The following SHKBP1 variants were observed in gnomAD, a reference collection of about 807,000 sequenced individuals.
The protein encoded by SHKBP1 is SH3KBP1 binding protein 1, also known as SH3KBP1-binding protein 1.
Under a neutral mutation model 83.9 loss-of-function variants are expected in SHKBP1, and 71 were observed. The ratio of observed to expected loss-of-function variants is 0.85; its 90% CI spans 0.70 to 1.03. SHKBP1 has a LOEUF of 1.03. Among genes scored for constraint, SHKBP1 ranks in the 50% least tolerant of loss-of-function variants. The pLI, the probability that SHKBP1 is intolerant of heterozygous loss-of-function variation, is 0.00. For missense variants in SHKBP1, 824 were observed against 982.4 expected, an observed-to-expected ratio of 0.84 and a Z score of 2.16; for synonymous variants, 371 against 398.0, an observed-to-expected ratio of 0.93 and a Z score of 0.81.
chr19:40,582,514 T>C (rs2081277981), intron 10 of SHKBP1, 48 bp downstream of exon 10: 2 of 1,534,252 alleles, frequency 1.3e-6, no homozygotes, highest in South Asian at 1.1e-5. Context: ...TTTTCCAGAC[T>C]GTACAGACCC....
chr19:40,589,042 A>T (rs1358456922), intron 14 of SHKBP1, 40 bp from the exon 15 acceptor site: 1 of 1,583,376 alleles, frequency 6.3e-7, no homozygotes, highest in Non-Finnish European at 8.6e-7. Context: ...AGGCTGAGGG[A>T]ATCCCAGCTG....
Position 40,580,337 on chromosome 19 carries a change from G to C in SHKBP1, c.414G>C (p.Lys138Asn). Residue 138 changes from lysine (K) to asparagine (N), a missense_variant, in exon 7 of 18, where the codon AAG becomes AAC. Coordinates refer to ENST00000291842, the MANE Select transcript of SHKBP1 (RefSeq NM_138392.4). The stretch of plus-strand genomic sequence containing the variant: ...TTCTCACTGTAGTGTTCCCAGTGAA[G>C]CGGCGGAACCGGCACAGCCTAGTGG... ...GYLPPPVFPV[K>N]RRNRHSLVGP... The C allele has an allele frequency of 3.1e-6, 5 of 1,614,020 alleles. No individual in the cohort carries two copies. The highest frequency in any genetic ancestry group is 4.2e-6 in the Non-Finnish European group (5 of 1,179,910).
Position 40,577,004 on chromosome 19 carries a change from T to C in SHKBP1, c.86+19T>C. ...GCAAGAGGTGAGTGTGGGAGACTCC[T>C]GAGGTCCCATCCTCGGGGGCGGGAA... is the stretch of plus-strand genomic sequence containing the variant. On this transcript the variant is annotated intron_variant, in intron 1 of 17. Transcript: ENST00000291842. The C allele has an allele frequency of 6.8e-7, 1 of 1,475,270 alleles. No individual in the cohort carries two copies. The highest frequency in any genetic ancestry group is 9.1e-7 in the Non-Finnish European group (1 of 1,094,248). 91.4% of individuals were successfully genotyped at this position (1,475,270 alleles called of 1,614,324 possible).
chr19:40,580,333 T>C lies in SHKBP1; in HGVS notation c.410T>C (p.Val137Ala), dbSNP rs1163630261. Residue 137 changes from valine (V) to alanine (A), a missense_variant, in exon 7 of 18, where the codon GTG becomes GCG. By Grantham distance (64) the Val-to-Ala change is moderately conservative. Around this residue, in one of 3 missense-constraint regions of SHKBP1, gnomAD observed 355 missense variants for 386.4 expected, o/e 0.92. Coordinates refer to ENST00000291842, the MANE Select transcript of SHKBP1 (RefSeq NM_138392.4). ...CTTATTCTCACTGTAGTGTTCCCAG[T>C]GAAGCGGCGGAACCGGCACAGCCTA... is the stretch of plus-strand genomic sequence containing the variant. ...NGYLPPPVFP[V>A]KRRNRHSLVG... 1 of 1,613,864 alleles carries C rather than the reference T, an allele frequency of 6.2e-7. No individual in the cohort carries two copies. The highest frequency in any genetic ancestry group is 2.2e-5 in the East Asian group (1 of 44,892).
rs2081302340 is a variant in SHKBP1 at position 40,585,279 on chromosome 19, T to C, written c.1166-1495T>C. Among the ~76,000 whole-genome samples, 3 of 152,196 alleles carry C rather than the reference T, an allele frequency of 2.0e-5. No homozygotes were observed. In the South Asian group the frequency reaches 6.2e-4, roughly 32 times the overall value. Reference sequence around the variant, plus strand: ...CATCACCACACCTGTCTAATTTTTGTATTTTTTTGTAGAGACAGGGTTTTG... The same window carrying C: ...CATCACCACACCTGTCTAATTTTTGCATTTTTTTGTAGAGACAGGGTTTTG... On this transcript the variant is annotated intron_variant, in intron 12 of 17. Coordinates refer to ENST00000291842, the MANE Select transcript of SHKBP1 (RefSeq NM_138392.4).
chr19:40,577,719 A>G, intron 4 of SHKBP1, 89 bp downstream of exon 4: 1 of 1,444,428 alleles, frequency 6.9e-7, no homozygotes, highest in Non-Finnish European at 9.7e-7. Flanking sequence ...CGTGAGCTCC[A>G]TTCTATTAGA....
At chr19:40,583,087 T>C (rs1474731314) in intron 10 of SHKBP1, among the ~76,000 whole-genome samples, 2 of 152,112 alleles carry the variant, frequency 1.3e-5, no homozygotes, top group African/African-American at 2.4e-5. Flanking sequence ...GGCAAGAGGA[T>C]GGCTTGAGCC....
chr19:40,589,443 G>A (rs2081338674), intron 15 of SHKBP1, among the ~76,000 whole-genome samples: 2 of 139,290 alleles, frequency 1.4e-5, no homozygotes, highest in Admixed American at 1.4e-4. Context: ...ACAGGGGGTG[G>A]GGTCAGGGTG....
At chr19:40,578,342 C>A in intron 5 of SHKBP1, 120 bp from the exon 6 acceptor site, 1 of 1,459,628 alleles carries the variant, frequency 6.9e-7, no homozygotes, top group Non-Finnish European at 9.6e-7. Flanking sequence ...ATGGCCCTGG[C>A]CGGGTCTGTA....
chr19:40,588,946 C>T (rs1278713198), intron 14 of SHKBP1, 136 bp from the exon 15 acceptor site: 27 of 1,259,524 alleles, frequency 2.1e-5, no homozygotes, highest in Non-Finnish European at 3.0e-5. Flanking sequence ...CCCCCCAGCC[C>T]TCTCTGGCCC....
At chr19:40,579,884 T>C (rs1271276391) in intron 6 of SHKBP1, among the ~76,000 whole-genome samples, 1 of 151,824 alleles carries the variant, frequency 6.6e-6, no homozygotes, top group Non-Finnish European at 1.5e-5. Context: ...ATATAAAAGA[T>C]TAGCCATGTG....
In SHKBP1 at chr19:40,580,384, G is replaced by C; in HGVS notation, c.461G>C (p.Arg154Pro). 6.2e-7 allele frequency: 1 copy of C among 1,614,200 alleles called. No individual in the cohort carries two copies. Among genetic ancestry groups the C allele is most frequent in the Non-Finnish European group, 8.5e-7 (1 of 1,180,042 alleles). ...GTGGGGCCTCAGCAGCTAGGAGGAC[G>C]GCCAGCCCCTGTCCGACGGAGCAAC... is the stretch of plus-strand genomic sequence containing the variant. ...SLVGPQQLGG[R>P]PAPVRRSNTM... is the part of the protein sequence containing the mutation. Residue 154 changes from arginine (R) to proline (P), a missense_variant, in exon 7 of 18, where the codon CGG (arginine) becomes CCG (proline). Around this residue, in one of 3 missense-constraint regions of SHKBP1, gnomAD observed 355 missense variants for 386.4 expected, o/e 0.92. Transcript: ENST00000291842.
rs1345676321 is a variant in SHKBP1 at position 40,590,829 on chromosome 19, C to T, written c.1868C>T (p.Pro623Leu). 6.3e-7 allele frequency: 1 copy of T among 1,590,350 alleles called. No individual in the cohort carries two copies. Among genetic ancestry groups the T allele is most frequent in the South Asian group, 1.1e-5 (1 of 89,526 alleles). ...SAPSWGCLPS[P>L]SPRISLTSLH... The stretch of plus-strand genomic sequence containing the variant: ...CCCTCATGGGGCTGTCTCCCCAGCC[C>T]CTCACCCCGCATCTCCCTCACCAGG... Residue 623 changes from proline to leucine, a missense_variant, in exon 17 of 18, where the codon CCC (proline) becomes CTC (leucine). Around this residue, in one of 3 missense-constraint regions of SHKBP1, gnomAD observed 287 missense variants for 322.9 expected, o/e 0.89. Transcript: ENST00000291842. This position sits in a 1 kb window ranked among gnomAD's most constrained non-coding sequence, Gnocchi z 4.6.
rs550673691 is a variant in SHKBP1, at chr19:40,582,609, T to C, written c.960+143T>C. On this transcript the variant is annotated intron_variant, in intron 10 of 17. Transcript: ENST00000291842. ...CCAGCAGCTGGCCAGAGCCTGGGGA[T>C]GTCTGTGATAAAGGCCTAAGGAGCA... The C allele has an allele frequency of 4.5e-6, 3 of 669,500 alleles. No individual in the cohort carries two copies. In the East Asian group the frequency reaches 8.2e-5, roughly 18 times the overall value. 41.5% of individuals were successfully genotyped at this position (669,500 alleles called of 1,614,324 possible).
chr19:40,577,171 G>A, intron 1 of SHKBP1, 60 bp from the exon 2 acceptor site: 1 of 1,593,308 alleles, frequency 6.3e-7, no homozygotes, highest in South Asian at 1.1e-5. Context: ...CTGCGGGAGG[G>A]GGACGCATTC....
At chr19:40,587,010 G>A in intron 13 of SHKBP1, 66 bp downstream of exon 13, 1 of 1,441,298 alleles carries the variant, frequency 6.9e-7, no homozygotes, top group Non-Finnish European at 9.4e-7. Flanking sequence ...GAGACAGGAG[G>A]ATGAGAATTT....
At position 40,576,919 on chromosome 19, in the gene SHKBP1, C is replaced by T. The variant is rs751753767; in HGVS notation, c.20C>T (p.Ala7Val). 1 of 1,480,430 alleles carries T rather than the reference C, an allele frequency of 6.8e-7. No homozygotes were observed. The highest frequency in any genetic ancestry group is 8.9e-7 in the Non-Finnish European group (1 of 1,120,358). 91.7% of individuals were successfully genotyped at this position (1,480,430 alleles called of 1,614,324 possible). A position where few individuals can be genotyped will look rare whatever the true frequency, so the allele number is the denominator to read the frequency against. ...GGGGCCATGGCAGCAGCGGCTACTG[C>T]AGCCGAGGGGGTCCCCAGTCGGGGG... MAAAAT[A>V]AEGVPSRGPP... The change falls in exon 1 of 18, where the codon GCA (alanine) becomes GTA (valine). Residue 7 changes from alanine (A) to valine (V), a missense_variant. Ala to Val is a moderately conservative substitution (Grantham distance 64). Around this residue, in one of 3 missense-constraint regions of SHKBP1, gnomAD observed 355 missense variants for 386.4 expected, o/e 0.92. Transcript: ENST00000291842.
rs530454732 is a variant in SHKBP1 at position 40,581,812 on chromosome 19, T to G, written c.845-539T>G. Among the ~76,000 whole-genome samples the G allele has an allele frequency of 2.6e-5, 4 of 152,340 alleles. No homozygotes were observed. The East Asian group carries it at 7.7e-4, about 29-fold the overall frequency. ...CCCCTGCCACCAGTGGAGGTTTTTTTGCCTTATTGCAAATCTCAGTGCTGT... is the reference window on the plus strand; with the variant it reads ...CCCCTGCCACCAGTGGAGGTTTTTTGGCCTTATTGCAAATCTCAGTGCTGT... On this transcript the variant is annotated intron_variant, in intron 9 of 17. Coordinates refer to ENST00000291842, the MANE Select transcript of SHKBP1 (RefSeq NM_138392.4).
chr19:40,587,462 G>A (rs528800756), intron 13 of SHKBP1, among the ~76,000 whole-genome samples: 1 of 152,132 alleles, frequency 6.6e-6, no homozygotes, highest in South Asian at 2.1e-4. Context: ...GTGGTGGCAC[G>A]TGCCTGTAAT....
Sources: gnomAD v4.1 joint callset for allele counts (sites outside exome capture counted in the v4.1 genomes callset) on GRCh38, gnomAD v4.1.1 for gene constraint, gnomAD v4.1.1 regional missense constraint, Gnocchi (gnomAD v3.1) non-coding constraint, MANE v1.5 for transcripts, NCBI Gene and HGNC (gene_info 2026-07-23, HGNC 2026-07-21) for gene names.